The following ASMTL variants were observed in gnomAD, a reference collection of about 807,000 sequenced individuals.
The protein encoded by ASMTL is acetylserotonin O-methyltransferase like, also known as probable bifunctional dTTP/UTP pyrophosphatase/methyltransferase protein.
ASMTL carries 57 observed loss-of-function variants against 60.3 expected under a neutral mutation model. The ratio of observed to expected loss-of-function variants is 0.95; its 90% CI spans 0.76 to 1.18. The LOEUF is 1.18. Among genes scored for constraint, ASMTL ranks in the 50% most tolerant of loss-of-function variants. The pLI is 0.00. For synonymous variants in ASMTL, 419 were observed against 373.0 expected (o/e 1.12, Z -1.42); for missense variants, 981 against 852.6 (o/e 1.15, Z -1.88).
In ASMTL at chrX:1,447,701, C is replaced by T. The variant is rs189763985; in HGVS notation, c.93+5047G>A. ...GAGAAGCACCACCATCTTGGACACACACCATCTTGGACAAGCACTGCCATC... is the reference window on the plus strand; with the variant it reads ...GAGAAGCACCACCATCTTGGACACATACCATCTTGGACAAGCACTGCCATC... On this transcript the variant is annotated intron_variant, in intron 1 of 12. Transcript: ENST00000381317. Among the ~76,000 whole-genome samples, 624 of 151,744 alleles carry T rather than the reference C, an allele frequency of 4.1e-3. 2 individuals carry two copies. The highest frequency in any genetic ancestry group is 6.6e-3 in the Admixed American group (101 of 15,256).
At chrX:1,426,932 G>A (rs1403567169) in intron 7 of ASMTL, among the ~76,000 whole-genome samples, 57 of 152,068 alleles carry the variant, frequency 3.7e-4, no homozygotes, top group African/African-American at 8.7e-4. Flanking sequence ...GCAGTGAGCC[G>A]AGATCATGCC....
intron 8 of ASMTL, among the ~76,000 whole-genome samples, chrX:1,422,484 G>A (rs2090508207): frequency 6.6e-6 from 1 of 152,046 alleles, no homozygotes; most frequent in Admixed American, 6.6e-5. Flanking sequence ...TTACCCTGGA[G>A]AGCCCCAAAT....
chrX:1,434,595 G>C (rs1187040135), intron 5 of ASMTL, among the ~76,000 whole-genome samples: 5 of 151,580 alleles, frequency 3.3e-5, no homozygotes, highest in Non-Finnish European at 7.4e-5. Flanking sequence ...CCTGAGGTCA[G>C]GAGTTCGAGA....
At chrX:1,434,790 ATC>A (rs1312866655) in intron 5 of ASMTL, among the ~76,000 whole-genome samples, 2 of 112,734 alleles carry the variant, frequency 1.8e-5, no homozygotes, top group African/African-American at 3.4e-5. Context: ...GCGAGACTCC[ATC>A]TCAAAAAAAA....
chrX:1,411,806 CTTTTTTTTTTTTTTTTT>C (rs756437483), intron 12 of ASMTL, among the ~76,000 whole-genome samples: 3 of 86,144 alleles, frequency 3.5e-5, no homozygotes, highest in Non-Finnish European at 6.3e-5. Flanking sequence ...TTAGGATTTT[CTTTTTTTTTTTTTTTTT>C]TTTTTTTGAG....
chrX:1,403,541 T>TCAGCAGGACACAGGGGACA, intron 12 of ASMTL, 52 bp from the exon 13 acceptor site: 2 of 1,539,362 alleles, frequency 1.3e-6, no homozygotes, highest in Non-Finnish European at 1.8e-6. Flanking sequence ...CGGGGATCCT[T>TCAGCAGGACACAGGGGACA]CAGCAGGACA....
At chrX:1,433,341 C>G (rs1396820655) in intron 5 of ASMTL, among the ~76,000 whole-genome samples, 3 of 151,406 alleles carry the variant, frequency 2.0e-5, no homozygotes, top group African/African-American at 7.3e-5. Flanking sequence ...TCCCCAGTGG[C>G]GGATGATGTC....
chrX:1,432,135 C>T (rs1308513509), intron 6 of ASMTL, 134 bp downstream of exon 6: 23 of 688,296 alleles, frequency 3.3e-5, no homozygotes, highest in Non-Finnish European at 4.8e-5. Context: ...CTGAGCCGGG[C>T]GGCTCTCCCT....
intron 11 of ASMTL, among the ~76,000 whole-genome samples, chrX:1,416,857 A>C (rs1248412766): frequency 2.6e-5 from 4 of 151,322 alleles, no homozygotes; most frequent in Non-Finnish European, 5.9e-5. Context: ...ACACACAGAC[A>C]TGTACACATA....
intron 9 of ASMTL, 142 bp downstream of exon 9, chrX:1,421,516 G>A: frequency 2.3e-6 from 2 of 865,680 alleles, no homozygotes; most frequent in Non-Finnish European, 3.6e-6. Flanking sequence ...ACGGCACTAA[G>A]TTCTCCAGGC....
At chrX:1,413,156 A>G (rs1347813387) in intron 11 of ASMTL, 13 of 386,246 alleles carry the variant, frequency 3.4e-5, no homozygotes, top group Non-Finnish European at 6.3e-5. Context: ...TGAGCTCAGG[A>G]GTTCGAGACC....
At chrX:1,417,003 A>G (rs1291453903) in intron 11 of ASMTL, among the ~76,000 whole-genome samples, 2 of 78,504 alleles carry the variant, frequency 2.5e-5, no homozygotes, top group African/African-American at 3.8e-5. Flanking sequence ...AGAGATGTGC[A>G]CACACAGACT....
chrX:1,425,166 T>C, intron 8 of ASMTL, among the ~76,000 whole-genome samples: 1 of 152,272 alleles, frequency 6.6e-6, no homozygotes, highest in Middle Eastern at 3.4e-3. Flanking sequence ...CATCTATCTA[T>C]GTATCTGTCT....
At chrX:1,445,866 G>A (rs747307361) in intron 1 of ASMTL, among the ~76,000 whole-genome samples, 1 of 152,266 alleles carries the variant, frequency 6.6e-6, no homozygotes, top group East Asian at 1.9e-4. Context: ...GGTGCGACCA[G>A]AAGACGAGCG....
chrX:1,438,194 A>C (rs1395346251), intron 3 of ASMTL, among the ~76,000 whole-genome samples: 9 of 152,030 alleles, frequency 5.9e-5, no homozygotes, highest in African/African-American at 2.2e-4. Context: ...GAGGCAGGAG[A>C]ATCGCTTGAA....
At chrX:1,446,033 G>A (rs1159616815) in intron 1 of ASMTL, among the ~76,000 whole-genome samples, 2 of 152,138 alleles carry the variant, frequency 1.3e-5, no homozygotes, top group African/African-American at 4.8e-5. Context: ...TCCCTGTGGT[G>A]CTTTGCTTCA....
chrX:1,451,612 T>A (rs1449810929), intron 1 of ASMTL, among the ~76,000 whole-genome samples: 4 of 107,486 alleles, frequency 3.7e-5, no homozygotes, highest in Non-Finnish European at 5.8e-5. Flanking sequence ...CCTAGGGGTT[T>A]CGGGTCACTC....
intron 1 of ASMTL, among the ~76,000 whole-genome samples, chrX:1,448,337 A>G (rs1423522864): frequency 2.0e-5 from 3 of 148,722 alleles, no homozygotes; most frequent in Non-Finnish European, 4.4e-5. Context: ...CATCTGGGAC[A>G]CACACTGCCA....
At chrX:1,411,792 C>G (rs1818098846) in intron 12 of ASMTL, among the ~76,000 whole-genome samples, 1 of 143,382 alleles carries the variant, frequency 7.0e-6, no homozygotes, top group African/African-American at 2.6e-5. Context: ...AATATATTTT[C>G]TCTTTAGGAT....
Sources: allele counts gnomAD v4.1 joint callset (sites outside exome capture counted in the v4.1 genomes callset), GRCh38; gene constraint gnomAD v4.1.1; transcripts MANE v1.5; gene names NCBI Gene and HGNC (gene_info 2026-07-23, HGNC 2026-07-21).